TTC28: variants seen among roughly 807,000 people sequenced by gnomAD.
TTC28 encodes the protein tetratricopeptide repeat protein 28.
TTC28 carries 61 observed loss-of-function variants against 198.0 expected under a neutral mutation model. The observed-to-expected ratio is 0.31, with a 90% CI of 0.25 to 0.38. The LOEUF (loss-of-function observed/expected upper bound fraction) is 0.38, where lower values mean the gene tolerates loss of function less well. Ranked by LOEUF, TTC28 falls within the 10% of genes least tolerant of loss-of-function variation. The pLI is 1.00. For missense variants in TTC28, 2,678 were observed against 3,164.0 expected, an observed-to-expected ratio of 0.85 and a Z score of 3.69; for synonymous variants, 1,171 against 1,297.8, an observed-to-expected ratio of 0.90 and a Z score of 2.10.
At chr22:28,101,506 G>A (rs372280875) in intron 8 of TTC28, among the ~76,000 whole-genome samples, 8 of 152,026 alleles carry the variant, frequency 5.3e-5, no homozygotes, top group Admixed American at 3.3e-4. Flanking sequence ...CTACGGGCAC[G>A]GGCCACCACA....
At chr22:28,164,366 C>A (rs1206324593) in intron 5 of TTC28, among the ~76,000 whole-genome samples, 1 of 152,192 alleles carries the variant, frequency 6.6e-6, no homozygotes, top group Non-Finnish European at 1.5e-5. Flanking sequence ...TCTCTGAACC[C>A]CGAGTAGCCT....
intron 2 of TTC28, among the ~76,000 whole-genome samples, chr22:28,542,161 ATTT>A (rs1232543645): frequency 6.6e-6 from 1 of 152,150 alleles, no homozygotes; most frequent in Non-Finnish European, 1.5e-5. Flanking sequence ...CCATAAAAAA[ATTT>A]TTTTAATAAA....
At chr22:28,376,723 G>T (rs937905963) in intron 2 of TTC28, among the ~76,000 whole-genome samples, 6 of 152,128 alleles carry the variant, frequency 3.9e-5, no homozygotes, top group Non-Finnish European at 7.4e-5. Flanking sequence ...AGAGTTGAGA[G>T]CTCAGAGAAG....
At chr22:28,208,723 A>G (rs915220520) in intron 5 of TTC28, among the ~76,000 whole-genome samples, 79 of 152,308 alleles carry the variant, frequency 5.2e-4, no homozygotes, top group African/African-American at 1.8e-3. Flanking sequence ...TTAACTATAT[A>G]TATATGTGCA....
intron 2 of TTC28, among the ~76,000 whole-genome samples, chr22:28,328,754 A>C (rs2045570157): frequency 1.3e-5 from 1 of 79,358 alleles, no homozygotes; most frequent in Non-Finnish European, 2.4e-5. Flanking sequence ...ACTCTGTCTC[A>C]AAAATAATAA....
At chr22:28,257,754 A>C (rs1288797673) in intron 5 of TTC28, among the ~76,000 whole-genome samples, 2 of 39,968 alleles carry the variant, frequency 5.0e-5, no homozygotes, top group African/African-American at 6.8e-5. Context: ...ATATATATAT[A>C]TATATATATA....
At chr22:28,021,615 G>C (rs1417114038) in intron 13 of TTC28, among the ~76,000 whole-genome samples, 1 of 152,200 alleles carries the variant, frequency 6.6e-6, no homozygotes, top group Non-Finnish European at 1.5e-5. Flanking sequence ...GACCAAGCAA[G>C]GCCCGATAGC....
chr22:28,020,874 T>C (rs1337620452), intron 13 of TTC28, among the ~76,000 whole-genome samples: 1 of 152,028 alleles, frequency 6.6e-6, no homozygotes, highest in Non-Finnish European at 1.5e-5. Flanking sequence ...CCACTCTGCT[T>C]GGGCCAAACA....
At chr22:28,310,972 G>A (rs1266493210) in intron 2 of TTC28, among the ~76,000 whole-genome samples, 1 of 151,848 alleles carries the variant, frequency 6.6e-6, no homozygotes, top group African/African-American at 2.4e-5. Flanking sequence ...TGGAGGCGGG[G>A]TTTCACCATG....
At chr22:28,594,184 A>T (rs927591945) in intron 2 of TTC28, among the ~76,000 whole-genome samples, 2 of 151,648 alleles carry the variant, frequency 1.3e-5, no homozygotes, top group Non-Finnish European at 2.9e-5. Flanking sequence ...TTTTTAAACT[A>T]AATAATAAGC....
intron 2 of TTC28, among the ~76,000 whole-genome samples, chr22:28,553,123 A>G (rs2049716142): frequency 6.6e-6 from 1 of 152,082 alleles, no homozygotes; most frequent in Non-Finnish European, 1.5e-5. Context: ...CAGTGGCGTG[A>G]TCTCCGCTCG....
At chr22:28,636,096 T>C (rs1037562292) in intron 1 of TTC28, among the ~76,000 whole-genome samples, 2 of 150,442 alleles carry the variant, frequency 1.3e-5, no homozygotes, top group Non-Finnish European at 3.0e-5. Context: ...ATGACATCTC[T>C]AGGTTCATCC....
chr22:28,069,369 T>A (rs1049140879), intron 12 of TTC28, among the ~76,000 whole-genome samples: 6 of 152,140 alleles, frequency 3.9e-5, no homozygotes, highest in African/African-American at 1.4e-4. Context: ...GTTGCAAACA[T>A]CTCGTGAGTT....
intron 2 of TTC28, among the ~76,000 whole-genome samples, chr22:28,413,244 G>A (rs905829705): frequency 6.6e-6 from 1 of 152,024 alleles, no homozygotes; most frequent in Admixed American, 6.6e-5. Flanking sequence ...GACCATCCTG[G>A]CTAACAAGGT....
At chr22:28,526,280 T>C (rs2049002541) in intron 2 of TTC28, among the ~76,000 whole-genome samples, 1 of 152,244 alleles carries the variant, frequency 6.6e-6, no homozygotes, top group African/African-American at 2.4e-5. Context: ...GATATAATTA[T>C]TCTAACAACA....
intron 5 of TTC28, among the ~76,000 whole-genome samples, chr22:28,278,903 G>A (rs900259615): frequency 6.6e-6 from 1 of 152,146 alleles, no homozygotes; most frequent in East Asian, 1.9e-4. Context: ...GGTACGTACA[G>A]CCAGGAAAGA....
At chr22:28,104,672 C>T (rs1471039901) in intron 8 of TTC28, among the ~76,000 whole-genome samples, 1 of 152,132 alleles carries the variant, frequency 6.6e-6, no homozygotes, top group East Asian at 1.9e-4. Context: ...CAGCCTGGAA[C>T]AAGACCCTAC....
At chr22:28,399,615 T>C (rs983972405) in intron 2 of TTC28, among the ~76,000 whole-genome samples, 5 of 152,270 alleles carry the variant, frequency 3.3e-5, no homozygotes, top group African/African-American at 1.2e-4. Flanking sequence ...TAGAAACTTG[T>C]ATTATCAGCC....
At chr22:28,293,268 T>C (rs2044822237) in intron 5 of TTC28, among the ~76,000 whole-genome samples, 1 of 152,128 alleles carries the variant, frequency 6.6e-6, no homozygotes, top group Non-Finnish European at 1.5e-5. Flanking sequence ...CACATACATA[T>C]ATTGGAATGT....
Sources: gnomAD v4.1 joint callset for allele counts (sites outside exome capture counted in the v4.1 genomes callset) on GRCh38, gnomAD v4.1.1 for gene constraint, MANE v1.5 for transcripts, NCBI Gene and HGNC (gene_info 2026-07-23, HGNC 2026-07-21) for gene names.